SNX29: variants seen among roughly 807,000 people sequenced by gnomAD.
SNX29 encodes sorting nexin-29.
A neutral mutation model predicts 102.1 loss-of-function variants in SNX29; 78 were observed. The observed-to-expected ratio is 0.76, with a 90% CI of 0.64 to 0.92. The LOEUF (loss-of-function observed/expected upper bound fraction) is 0.92, where lower values mean the gene tolerates loss of function less well. Among genes scored for constraint, SNX29 ranks in the 40% least tolerant of loss-of-function variants. The pLI, the probability that SNX29 is intolerant of heterozygous loss-of-function variation, is 0.00. For missense variants in SNX29, 1,280 were observed against 1,061.7 expected (o/e 1.21, Z -2.86); for synonymous variants, 580 against 414.5 (o/e 1.40, Z -4.85).
intron 14 of SNX29, among the ~76,000 whole-genome samples, chr16:12,277,249 A>T (rs1020645806): frequency 2.6e-5 from 4 of 152,058 alleles, no homozygotes; most frequent in Non-Finnish European, 5.9e-5. Flanking sequence ...CAAAAAAAGA[A>T]CTAGCCTGCT....
intron 14 of SNX29, among the ~76,000 whole-genome samples, chr16:12,227,027 T>A (rs967196596): frequency 6.6e-6 from 1 of 152,200 alleles, no homozygotes; most frequent in African/African-American, 2.4e-5. Context: ...AATGCTCAGA[T>A]AAGTTGGGAT....
At chr16:11,985,528 T>G (rs1006802796) in intron 1 of SNX29, among the ~76,000 whole-genome samples, 1 of 152,214 alleles carries the variant, frequency 6.6e-6, no homozygotes, top group Admixed American at 6.5e-5. Context: ...TCAACTCGTC[T>G]TTTCTCTCTG....
intron 4 of SNX29, among the ~76,000 whole-genome samples, chr16:12,031,526 G>A (rs990655051): frequency 1.3e-5 from 2 of 151,880 alleles, no homozygotes; most frequent in African/African-American, 4.8e-5. Context: ...AAAAAATATG[G>A]CCGGGCGTGG....
At chr16:12,232,023 T>C (rs78226497) in intron 14 of SNX29, among the ~76,000 whole-genome samples, 5,928 of 152,256 alleles carry the variant, frequency 0.039, 418 homozygotes, top group African/African-American at 0.14. Flanking sequence ...AATGGATTCG[T>C]AAGTTCTCAT....
intron 3 of SNX29, among the ~76,000 whole-genome samples, chr16:12,014,748 A>T (rs1281222364): frequency 1.3e-5 from 2 of 151,426 alleles, no homozygotes; most frequent in East Asian, 3.9e-4. Flanking sequence ...AAAAAAAAAA[A>T]AAGAAAAGAA....
intron 15 of SNX29, among the ~76,000 whole-genome samples, chr16:12,340,449 C>T (rs1018367369): frequency 6.6e-6 from 1 of 152,184 alleles, no homozygotes; most frequent in African/African-American, 2.4e-5. Context: ...GTTGTATCCC[C>T]AGTGTCTAGA....
intron 15 of SNX29, among the ~76,000 whole-genome samples, chr16:12,310,703 A>G (rs2080510491): frequency 2.0e-5 from 3 of 152,184 alleles, no homozygotes; most frequent in Non-Finnish European, 4.4e-5. Context: ...GTGTCTTGTG[A>G]TGGGGGTTTC....
intron 18 of SNX29, among the ~76,000 whole-genome samples, chr16:12,465,394 G>A (rs2151770981): frequency 6.6e-6 from 1 of 152,226 alleles, no homozygotes; most frequent in East Asian, 1.9e-4. Flanking sequence ...TTTATATGGT[G>A]TAAGACAAGG....
intron 20 of SNX29, among the ~76,000 whole-genome samples, chr16:12,563,753 C>G (rs976178674): frequency 1.9e-4 from 29 of 152,352 alleles, no homozygotes; most frequent in African/African-American, 6.7e-4. Flanking sequence ...CCAACAGCCA[C>G]AACTTCTCCA....
intron 13 of SNX29, among the ~76,000 whole-genome samples, chr16:12,154,332 T>TCC (rs2055436384): frequency 6.9e-6 from 1 of 145,272 alleles, no homozygotes; most frequent in Non-Finnish European, 1.5e-5. Flanking sequence ...GGGCAGGCTG[T>TCC]CCCCCGTTCT....
In SNX29 at chr16:12,088,335, A is replaced by T. The variant is rs185284158; in HGVS notation, c.1402+9420A>T. On this transcript the variant is annotated intron_variant, in intron 11 of 20. Coordinates refer to ENST00000566228, the MANE Select transcript of SNX29 (RefSeq NM_032167.5). ...TGCTAGGGGGAGGTGCCACGTTGCC[A>T]GGTGTCCCTTGTAAGCTCTGCAGGG... is the stretch of plus-strand genomic sequence containing the variant. 121 of 357,992 alleles carry T rather than the reference A, an allele frequency of 3.4e-4. 2 individuals are homozygous for T. In the Admixed American group the frequency reaches 4.4e-3, roughly 13 times the overall value. 22.2% of individuals were successfully genotyped at this position (357,992 alleles called of 1,614,324 possible). A position where few individuals can be genotyped will look rare whatever the true frequency, so the allele number is the denominator to read the frequency against.
intron 14 of SNX29, among the ~76,000 whole-genome samples, chr16:12,277,254 C>A (rs1344629303): frequency 6.6e-6 from 1 of 152,000 alleles, no homozygotes; most frequent in African/African-American, 2.4e-5. Context: ...AAAGAACTAG[C>A]CTGCTGCAGC....
intron 19 of SNX29, among the ~76,000 whole-genome samples, chr16:12,520,129 C>CCG (rs2090041467): frequency 6.6e-6 from 1 of 152,326 alleles, no homozygotes; most frequent in South Asian, 2.1e-4. Context: ...GAGTCCTGTG[C>CCG]CGCGATTCAG....
intron 20 of SNX29, among the ~76,000 whole-genome samples, chr16:12,543,356 C>A (rs537076059): frequency 6.6e-6 from 1 of 152,292 alleles, no homozygotes; most frequent in African/African-American, 2.4e-5. Flanking sequence ...GGTGTTCAGC[C>A]CACCTAAGCT....
At chr16:12,295,450 TC>T (rs2079948822) in intron 15 of SNX29, among the ~76,000 whole-genome samples, 1 of 152,228 alleles carries the variant, frequency 6.6e-6, no homozygotes, top group African/African-American at 2.4e-5. Context: ...TCTCACAACT[TC>T]CTTTGTGGCT....
intron 15 of SNX29, among the ~76,000 whole-genome samples, chr16:12,281,150 A>G (rs571111829): frequency 2.0e-5 from 3 of 152,304 alleles, no homozygotes; most frequent in East Asian, 1.9e-4. Context: ...GTGACCTCCA[A>G]CAATACTCTC....
intron 20 of SNX29, among the ~76,000 whole-genome samples, chr16:12,550,650 C>CTT (rs1158962751): frequency 6.6e-6 from 1 of 152,034 alleles, no homozygotes; most frequent in Non-Finnish European, 1.5e-5. Context: ...GTAACCGTCA[C>CTT]TTAGTGGAGG....
At chr16:12,092,967 C>G (rs992511504) in intron 11 of SNX29, among the ~76,000 whole-genome samples, 4 of 152,112 alleles carry the variant, frequency 2.6e-5, no homozygotes, top group African/African-American at 9.7e-5. Flanking sequence ...CAGGTGTTGG[C>G]CGATGTGGGA....
Position 12,332,520 on chromosome 16 carries a change from C to T in SNX29, c.1783-23643C>T, listed in dbSNP as rs367894226. On this transcript the variant is annotated intron_variant, in intron 15 of 20. Coordinates refer to ENST00000566228, the MANE Select transcript of SNX29 (RefSeq NM_032167.5). ...TTAAAGTGATGACTCTATCCTCCCCCGTCCTCGTCATATTGAAGGCCATGA... is the reference window on the plus strand; with the variant it reads ...TTAAAGTGATGACTCTATCCTCCCCTGTCCTCGTCATATTGAAGGCCATGA... Among the ~76,000 whole-genome samples the T allele has an allele frequency of 2.2e-3, 336 of 152,304 alleles. 7 individuals are homozygous for T. In the South Asian group the frequency reaches 0.029, roughly 13 times the overall value.
Sources: gnomAD v4.1 joint callset for allele counts (sites outside exome capture counted in the v4.1 genomes callset) on GRCh38, gnomAD v4.1.1 for gene constraint, MANE v1.5 for transcripts, NCBI Gene and HGNC (gene_info 2026-07-23, HGNC 2026-07-21) for gene names.